The following ZYG11B variants were observed in gnomAD, a reference collection of about 807,000 sequenced individuals.
The protein encoded by ZYG11B is zyg-11 family member B, cell cycle regulator, also known as protein zyg-11 homolog B.
In ZYG11B, 36 loss-of-function variants were observed where a neutral mutation model predicts 82.4. That is an observed-to-expected ratio of 0.44 (90% CI 0.33 to 0.58). The LOEUF (loss-of-function observed/expected upper bound fraction) is 0.58. Among genes scored for constraint, ZYG11B ranks in the 20% least tolerant of loss-of-function variants. The probability of loss-of-function intolerance (pLI) is 0.02; values close to 1 mark genes in which losing one functional copy is unlikely to be tolerated. For synonymous variants in ZYG11B, 303 were observed against 312.8 expected (o/e 0.97, Z 0.33); for missense variants, 552 against 895.6 (o/e 0.62, Z 4.90).
chr1:52,806,403 T>G (rs1398423130), intron 10 of ZYG11B, among the ~76,000 whole-genome samples: 1 of 152,218 alleles, frequency 6.6e-6, no homozygotes, highest in South Asian at 2.1e-4. Context: ...CTATCAATTA[T>G]TGACAAAGGA....
intron 2 of ZYG11B, among the ~76,000 whole-genome samples, chr1:52,765,799 G>C (rs1471243207): frequency 6.6e-6 from 1 of 152,072 alleles, no homozygotes; most frequent in East Asian, 1.9e-4. Context: ...CACTGTGCCT[G>C]CTCATTATTT....
chr1:52,803,161 TATATATAC>T (rs1645100940), intron 10 of ZYG11B, among the ~76,000 whole-genome samples: 3 of 78,146 alleles, frequency 3.8e-5, no homozygotes, highest in South Asian at 3.5e-4. Context: ...TATACACATA[TATATATAC>T]ACACATATAT....
intron 13 of ZYG11B, 75 bp from the exon 14 acceptor site, chr1:52,821,364 T>C (rs1645281744): frequency 6.9e-7 from 1 of 1,455,602 alleles, no homozygotes; most frequent in Non-Finnish European, 9.1e-7. Flanking sequence ...AAGTCATTTT[T>C]TTGTGGAATA....
intron 8 of ZYG11B, among the ~76,000 whole-genome samples, chr1:52,800,698 A>G (rs1273123729): frequency 6.6e-6 from 1 of 152,084 alleles, no homozygotes; most frequent in Non-Finnish European, 1.5e-5. Context: ...AATCCCAGCT[A>G]CTTGGGAGGC....
intron 5 of ZYG11B, among the ~76,000 whole-genome samples, chr1:52,787,016 G>A (rs1379548763): frequency 6.6e-6 from 1 of 152,094 alleles, no homozygotes; most frequent in Non-Finnish European, 1.5e-5. Flanking sequence ...CTTGAACCCG[G>A]GAGGGGGAGG....
At position 52,803,277 on chromosome 1, in the gene ZYG11B, C is replaced by CAT. The variant is rs1259677070; in HGVS notation, c.1695+1139_1695+1140insTA. 5.6e-4 allele frequency among the ~76,000 whole-genome samples: 59 copies of CAT among 106,160 alleles called. 5 individuals are homozygous for CAT. The highest frequency in any genetic ancestry group is 2.4e-3 in the Admixed American group (22 of 9,182). The allele number at this position is 106,160 out of a possible 152,430, so 69.6% of individuals were successfully genotyped here. On this transcript the variant is annotated intron_variant, in intron 10 of 13. Transcript: ENST00000294353. ...ATATATATATATATACACACACACA[C>CAT]ACATATATATATATATATATACACA...
At chr1:52,811,286 A>T (rs561029406) in intron 10 of ZYG11B, among the ~76,000 whole-genome samples, 19 of 152,098 alleles carry the variant, frequency 1.2e-4, no homozygotes, top group African/African-American at 4.3e-4. Flanking sequence ...ATTTTGCAAA[A>T]ATTTGGCCAT....
intron 3 of ZYG11B, among the ~76,000 whole-genome samples, chr1:52,774,461 T>C (rs906093253): frequency 4.0e-5 from 6 of 151,798 alleles, no homozygotes; most frequent in Non-Finnish European, 8.8e-5. Context: ...GTGCCTGCTA[T>C]CATGTCCAGC....
chr1:52,746,689 T>TTTG (rs1644479500), intron 1 of ZYG11B, among the ~76,000 whole-genome samples: 2 of 106,390 alleles, frequency 1.9e-5, no homozygotes, highest in Non-Finnish European at 3.9e-5. Context: ...CGGCCACTGT[T>TTTG]TTTTTTTTTT....
chr1:52,813,835 T>A (rs1367416991), intron 11 of ZYG11B, 25 bp from the exon 12 acceptor site: 1 of 1,613,922 alleles, frequency 6.2e-7, no homozygotes, highest in Non-Finnish European at 8.5e-7. Context: ...TTGTAATCCT[T>A]TCTTGTGTGT....
At chr1:52,736,307 T>G (rs1019521285) in intron 1 of ZYG11B, among the ~76,000 whole-genome samples, 6 of 151,830 alleles carry the variant, frequency 4.0e-5, no homozygotes, top group African/African-American at 1.5e-4. Context: ...TGAGACAGAG[T>G]TTCTCTCTGT....
chr1:52,766,241 C>T (rs1201014648), intron 2 of ZYG11B, among the ~76,000 whole-genome samples: 2 of 151,700 alleles, frequency 1.3e-5, no homozygotes, highest in Non-Finnish European at 2.9e-5. Flanking sequence ...CTGTCTCAAC[C>T]TCCTGGGTAG....
chr1:52,802,577 C>T (rs956339772), intron 10 of ZYG11B, among the ~76,000 whole-genome samples: 5 of 151,562 alleles, frequency 3.3e-5, no homozygotes, highest in Non-Finnish European at 5.9e-5. Flanking sequence ...TCTCAAACTC[C>T]TGAGCTCAAG....
At chr1:52,786,256 G>C (rs1490314523) in intron 5 of ZYG11B, among the ~76,000 whole-genome samples, 1 of 152,046 alleles carries the variant, frequency 6.6e-6, no homozygotes, top group Non-Finnish European at 1.5e-5. Flanking sequence ...TTAGGAAATG[G>C]GGTGGGGGAA....
At chr1:52,749,718 A>G (rs1048205586) in intron 1 of ZYG11B, among the ~76,000 whole-genome samples, 20 of 151,386 alleles carry the variant, frequency 1.3e-4, no homozygotes, top group African/African-American at 4.9e-4. Flanking sequence ...ACGCTTGGCT[A>G]ATTTTTGTAT....
intron 3 of ZYG11B, among the ~76,000 whole-genome samples, chr1:52,775,287 G>C (rs1000543316): frequency 6.6e-6 from 1 of 152,156 alleles, no homozygotes; most frequent in African/African-American, 2.4e-5. Flanking sequence ...TCAACATGCA[G>C]TGAAGGTACA....
intron 10 of ZYG11B, among the ~76,000 whole-genome samples, chr1:52,809,333 C>T (rs1247149108): frequency 6.6e-6 from 1 of 152,058 alleles, no homozygotes; most frequent in East Asian, 1.9e-4. Flanking sequence ...TATTCCATTC[C>T]CCCATTCTGC....
At chr1:52,790,152 C>T in intron 6 of ZYG11B, 85 bp downstream of exon 6, 2 of 893,318 alleles carry the variant, frequency 2.2e-6, no homozygotes, top group Non-Finnish European at 3.3e-6. Context: ...TTTAGGATAT[C>T]CCTTTTATAA....
At chr1:52,817,771 A>ATATGTGTGTG (rs1645238823) in intron 13 of ZYG11B, among the ~76,000 whole-genome samples, 2 of 29,276 alleles carry the variant, frequency 6.8e-5, no homozygotes, top group African/African-American at 2.4e-4. Flanking sequence ...GTGTGTATAT[A>ATATGTGTGTG]TATGTGTATA....
Sources: allele counts gnomAD v4.1 joint callset (sites outside exome capture counted in the v4.1 genomes callset), GRCh38; gene constraint gnomAD v4.1.1; transcripts MANE v1.5; gene names NCBI Gene and HGNC (gene_info 2026-07-23, HGNC 2026-07-21).